The following RNASE4 variants were observed in gnomAD, a reference collection of about 807,000 sequenced individuals.
RNASE4 encodes ribonuclease A family member 4.
For missense variants in RNASE4, 194 were observed against 192.8 expected, an observed-to-expected ratio of 1.01 and a Z score of -0.04; for synonymous variants, 93 against 71.4, an observed-to-expected ratio of 1.30 and a Z score of -1.52.
chr14:20,696,170 A>C (rs570068920), intron 1 of RNASE4, among the ~76,000 whole-genome samples: 64 of 152,274 alleles, frequency 4.2e-4, no homozygotes, highest in Non-Finnish European at 7.9e-4. Context: ...GAAAACCCAC[A>C]TCTTCTCCAA....
chr14:20,689,459 A>G (rs1032044301), intron 1 of RNASE4, among the ~76,000 whole-genome samples: 1 of 152,248 alleles, frequency 6.6e-6, no homozygotes, highest in African/African-American at 2.4e-5. Flanking sequence ...CACATTGATG[A>G]AAATGATAAC....
At chr14:20,699,061 C>A (rs1887189622) in intron 1 of RNASE4, 1 of 272,002 alleles carries the variant, frequency 3.7e-6, no homozygotes, top group Non-Finnish European at 7.0e-6. Context: ...ATACTCTGTC[C>A]ACACAAACCT....
In RNASE4 at chr14:20,700,542, G is replaced by A. The variant is rs1887258663; in HGVS notation, c.*727G>A. The stretch of plus-strand genomic sequence containing the variant: ...TCATTAAGACTTATGTGCTCTTACT[G>A]ATTGAAAGATTTTTTATGTTTTCCT... On this transcript the variant is annotated 3_prime_UTR_variant, in exon 2 of 2. Coordinates refer to ENST00000555835, the MANE Select transcript of RNASE4 (RefSeq NM_002937.5). The A allele has an allele frequency of 6.0e-6, 1 of 166,740 alleles. No homozygotes were observed. Among genetic ancestry groups the A allele is most frequent in the South Asian group, 2.1e-4 (1 of 4,828 alleles). The allele number at this position is 166,740 out of a possible 1,614,324, so 10.3% of individuals were successfully genotyped here. A position where few individuals can be genotyped will look rare whatever the true frequency, so the allele number is the denominator to read the frequency against.
chr14:20,695,666 G>A (rs1285462496), intron 1 of RNASE4, among the ~76,000 whole-genome samples: 1 of 152,242 alleles, frequency 6.6e-6, no homozygotes, highest in East Asian at 1.9e-4. Context: ...TGTGGTCTCA[G>A]TATTCCCTAT....
In RNASE4 at chr14:20,700,961, G is replaced by A. The variant is rs1181049562; in HGVS notation, c.*1146G>A. ...TGATGACATTCCACCACTGTGATTT[G>A]TTCCTGCCCCACCTTAACTGATCAA... On this transcript the variant is annotated 3_prime_UTR_variant, in exon 2 of 2. Coordinates refer to ENST00000555835, the MANE Select transcript of RNASE4 (RefSeq NM_002937.5). 2.0e-5 allele frequency: 3 copies of A among 152,148 alleles called. No homozygotes were observed. The highest frequency in any genetic ancestry group is 2.9e-5 in the Non-Finnish European group (2 of 68,032). The allele number at this position is 152,148 out of a possible 1,614,324, so 9.4% of individuals were successfully genotyped here. A position where few individuals can be genotyped will look rare whatever the true frequency, so the allele number is the denominator to read the frequency against.
intron 1 of RNASE4, among the ~76,000 whole-genome samples, chr14:20,691,996 C>G (rs1421830454): frequency 6.6e-6 from 1 of 152,204 alleles, no homozygotes; most frequent in Non-Finnish European, 1.5e-5. Context: ...AGCAATATCC[C>G]CACAACTTGT....
In RNASE4 at chr14:20,694,055, A is replaced by G. The variant is rs144376159; in HGVS notation, c.-17-5300A>G. 5 of 1,606,660 alleles carry G rather than the reference A, an allele frequency of 3.1e-6. No homozygotes were observed. The African/African-American group carries it at 5.3e-5, about 17-fold the overall frequency. On this transcript the variant is annotated intron_variant, in intron 1 of 1. Coordinates refer to ENST00000555835, the MANE Select transcript of RNASE4 (RefSeq NM_002937.5). ...GCTGGCTCTGCTGTCCTTGCCTTCC[A>G]TTTCCCCTCTGCACCCAGAACAGTG...
At position 20,698,353 on chromosome 14, in the gene RNASE4, T is replaced by C. The variant is rs536583842; in HGVS notation, c.-17-1002T>C. ...CAATGTATCTCCATGGCCTAGATTTTTTAGGTTATGCATAGAAACAGCAAG... is the reference window on the plus strand; with the variant it reads ...CAATGTATCTCCATGGCCTAGATTTCTTAGGTTATGCATAGAAACAGCAAG... On this transcript the variant is annotated intron_variant, in intron 1 of 1. Coordinates refer to ENST00000555835, the MANE Select transcript of RNASE4 (RefSeq NM_002937.5). 1.4e-4 allele frequency among the ~76,000 whole-genome samples: 21 copies of C among 152,338 alleles called. No individual in the cohort carries two copies. The East Asian group carries it at 4.1e-3, about 29-fold the overall frequency.
chr14:20,699,960 T>A lies in RNASE4; in HGVS notation c.*145T>A. On this transcript the variant is annotated 3_prime_UTR_variant, in exon 2 of 2. Transcript: ENST00000555835. ...TCTCTATATAACTCATTCTATTAAA[T>A]ACATTGCACCAAAGAGATATGGAGA... 1.4e-6 allele frequency: 1 copy of A among 692,784 alleles called. No individual in the cohort carries two copies. The highest frequency in any genetic ancestry group is 2.5e-6 in the Non-Finnish European group (1 of 402,844). 42.9% of individuals were successfully genotyped at this position (692,784 alleles called of 1,614,324 possible). A position where few individuals can be genotyped will look rare whatever the true frequency, so the allele number is the denominator to read the frequency against.
At position 20,693,734 on chromosome 14, in the gene RNASE4, G is replaced by C. The variant is rs770840869; in HGVS notation, c.-17-5621G>C. ...TACTGTGAAAGCATCATGAGGAGAC[G>C]GGGCCTGACCTCACCCTGCAAAGAC... On this transcript the variant is annotated intron_variant, in intron 1 of 1. Coordinates refer to ENST00000555835, the MANE Select transcript of RNASE4 (RefSeq NM_002937.5). 4.3e-6 allele frequency: 7 copies of C among 1,614,166 alleles called. No individual in the cohort carries two copies. Among genetic ancestry groups the C allele is most frequent in the Non-Finnish European group, 5.9e-6 (7 of 1,180,044 alleles).
Position 20,686,457 on chromosome 14 carries a change from C to T in RNASE4, c.-18+1699C>T, listed in dbSNP as rs1196058615. 2.6e-5 allele frequency among the ~76,000 whole-genome samples: 4 copies of T among 152,184 alleles called. No individual in the cohort carries two copies. The South Asian group carries it at 8.3e-4, about 32-fold the overall frequency. ...GATAAAAAAGTGGACCAATGAAGGT[C>T]AGTGAAACCTTTCTTTAGGAGTTTT... On this transcript the variant is annotated intron_variant, in intron 1 of 1. Coordinates refer to ENST00000555835, the MANE Select transcript of RNASE4 (RefSeq NM_002937.5).
intron 1 of RNASE4, among the ~76,000 whole-genome samples, chr14:20,687,321 G>T (rs959252355): frequency 2.0e-5 from 3 of 152,192 alleles, no homozygotes; most frequent in African/African-American, 7.2e-5. Flanking sequence ...ATCCTCCAAA[G>T]GTTGTCCAGT....
At chr14:20,694,850 A>G (rs1887023916) in intron 1 of RNASE4, among the ~76,000 whole-genome samples, 1 of 152,014 alleles carries the variant, frequency 6.6e-6, no homozygotes, top group South Asian at 2.1e-4. Flanking sequence ...ACAGATTATT[A>G]TAGTTTCTCT....
Position 20,700,582 on chromosome 14 carries a change from T to A in RNASE4, c.*767T>A, listed in dbSNP as rs1293599066. 2.4e-5 allele frequency: 4 copies of A among 167,106 alleles called. No homozygotes were observed. Among genetic ancestry groups the A allele is most frequent in the Non-Finnish European group, 5.9e-5 (4 of 68,126 alleles). The allele number at this position is 167,106 out of a possible 1,614,324, so 10.4% of individuals were successfully genotyped here. On this transcript the variant is annotated 3_prime_UTR_variant, in exon 2 of 2. Transcript: ENST00000555835. ...TATGTTTTCCTTGTAATAAAGGACC[T>A]AAACCGAAGGTACCTGAGAAGACTG...
chr14:20,693,278 C>T (rs762270140), intron 1 of RNASE4, among the ~76,000 whole-genome samples: 10 of 152,130 alleles, frequency 6.6e-5, no homozygotes, highest in Non-Finnish European at 8.8e-5. Context: ...TGTAATGTTA[C>T]GACTGATAGA....
chr14:20,699,215 G>T, intron 1 of RNASE4, 140 bp from the exon 2 acceptor site: 1 of 670,384 alleles, frequency 1.5e-6, no homozygotes, highest in South Asian at 2.1e-5. Context: ...AAAAGTAGCA[G>T]AGATGAGTGG....
intron 1 of RNASE4, among the ~76,000 whole-genome samples, chr14:20,685,337 A>G (rs1480818945): frequency 6.6e-6 from 1 of 152,184 alleles, no homozygotes; most frequent in Non-Finnish European, 1.5e-5. Context: ...ATAGCAGCAC[A>G]TGAGTAAAGC....
chr14:20,698,627 T>C (rs967371441), intron 1 of RNASE4, among the ~76,000 whole-genome samples: 1 of 152,136 alleles, frequency 6.6e-6, no homozygotes, highest in Non-Finnish European at 1.5e-5. Flanking sequence ...TTTTAAAAAA[T>C]AGAATTAAAA....
In RNASE4 at chr14:20,699,402, C is replaced by T. The variant is rs541432920; in HGVS notation, c.31C>T (p.Leu11=). MALQRTHSLL[L]LLLLTLLGLG... is the part of the protein sequence containing the mutation. The stretch of plus-strand genomic sequence containing the variant: ...TCTGCAGAGGACCCATTCATTGCTT[C>T]TGCTTTTGCTGCTGACCCTGCTGGG... Residue 11 remains leucine, a synonymous_variant, in exon 2 of 2, where the codon CTG becomes TTG. Transcript: ENST00000555835. The T allele has an allele frequency of 2.1e-5, 33 of 1,607,056 alleles. No homozygotes were observed. In the East Asian group the frequency reaches 7.4e-4, roughly 36 times the overall value.
Sources: gnomAD v4.1 joint callset for allele counts (sites outside exome capture counted in the v4.1 genomes callset) on GRCh38, gnomAD v4.1.1 for gene constraint, MANE v1.5 for transcripts, NCBI Gene and HGNC (gene_info 2026-07-23, HGNC 2026-07-21) for gene names.